KCND2: variants seen among roughly 807,000 people sequenced by gnomAD.
KCND2 encodes the protein A-type voltage-gated potassium channel KCND2.
KCND2 carries 16 observed loss-of-function variants against 54.4 expected under a neutral mutation model. The observed-to-expected ratio is 0.29, with a 90% CI of 0.20 to 0.45. The LOEUF (loss-of-function observed/expected upper bound fraction) is 0.45, where lower values mean the gene tolerates loss of function less well. Ranked by LOEUF, KCND2 falls within the 20% of genes least tolerant of loss-of-function variation. The pLI, the probability that KCND2 is intolerant of heterozygous loss-of-function variation, is 1.00. For missense variants in KCND2, 486 were observed against 824.2 expected (o/e 0.59, Z 5.02); for synonymous variants, 317 against 310.7 (o/e 1.02, Z -0.21).
In KCND2 at chr7:120,671,417, T is replaced by G. The variant is rs114851575; in HGVS notation, c.1116-61486T>G. ...CTCCTCCCCTGCTATGTAGCCTGGTTGCTAACAGGCCACAGACTGATGGTG... is the reference window on the plus strand; with the variant it reads ...CTCCTCCCCTGCTATGTAGCCTGGTGGCTAACAGGCCACAGACTGATGGTG... On this transcript the variant is annotated intron_variant, in intron 1 of 5. Transcript: ENST00000331113. Among the ~76,000 whole-genome samples the G allele has an allele frequency of 8.9e-3, 1,358 of 152,146 alleles. 18 individuals are homozygous for G. The highest frequency in any genetic ancestry group is 0.03 in the African/African-American group (1,235 of 41,532).
intron 1 of KCND2, among the ~76,000 whole-genome samples, chr7:120,280,014 T>G (rs576558500): frequency 6.6e-6 from 1 of 152,076 alleles, no homozygotes; most frequent in East Asian, 1.9e-4. Context: ...TATCTTCCCT[T>G]GTGCCAACAT....
chr7:120,375,834 A>AC (rs1458589845), intron 1 of KCND2, among the ~76,000 whole-genome samples: 1 of 151,830 alleles, frequency 6.6e-6, no homozygotes, highest in African/African-American at 2.4e-5. Flanking sequence ...GGCCAGCATG[A>AC]CCTACAAAAG....
chr7:120,698,899 A>T (rs1016044136), intron 1 of KCND2, among the ~76,000 whole-genome samples: 2 of 152,236 alleles, frequency 1.3e-5, no homozygotes, highest in African/African-American at 2.4e-5. Context: ...TGTTATATTT[A>T]AAAAGTCTTT....
At chr7:120,738,295 A>G (rs1030967522) in intron 2 of KCND2, among the ~76,000 whole-genome samples, 1 of 152,024 alleles carries the variant, frequency 6.6e-6, no homozygotes, top group African/African-American at 2.4e-5. Context: ...TTTCTTGACC[A>G]CAGAACCAGT....
intron 1 of KCND2, among the ~76,000 whole-genome samples, chr7:120,483,000 G>T (rs1387039244): frequency 1.3e-5 from 2 of 152,132 alleles, no homozygotes; most frequent in Non-Finnish European, 2.9e-5. Flanking sequence ...CCAAGGCTTG[G>T]CAAGGTGAGG....
chr7:120,522,556 C>T, intron 1 of KCND2, among the ~76,000 whole-genome samples: 1 of 152,148 alleles, frequency 6.6e-6, no homozygotes, highest in East Asian at 1.9e-4. Context: ...CTCTCTTGTG[C>T]TTTGTTATGA....
intron 1 of KCND2, among the ~76,000 whole-genome samples, chr7:120,390,671 A>AT (rs1344590639): frequency 2.0e-5 from 3 of 151,914 alleles, no homozygotes; most frequent in South Asian, 2.1e-4. Context: ...AATAATTGTG[A>AT]TTTTTTGTTT....
intron 1 of KCND2, among the ~76,000 whole-genome samples, chr7:120,421,412 T>C (rs896412030): frequency 6.6e-6 from 1 of 152,244 alleles, no homozygotes; most frequent in Non-Finnish European, 1.5e-5. Context: ...TTCACTGAAG[T>C]GACCTGCACA....
chr7:120,424,745 AT>A (rs1801676195), intron 1 of KCND2, among the ~76,000 whole-genome samples: 1 of 152,236 alleles, frequency 6.6e-6, no homozygotes, highest in African/African-American at 2.4e-5. Flanking sequence ...ACTAGAAAAA[AT>A]AATATGAAGC....
chr7:120,667,296 C>T (rs994432562), intron 1 of KCND2, among the ~76,000 whole-genome samples: 18 of 151,950 alleles, frequency 1.2e-4, no homozygotes, highest in Admixed American at 9.8e-4. Flanking sequence ...TAATAAAGAC[C>T]GTGTACCTCC....
At chr7:120,710,873 A>G (rs1197582970) in intron 1 of KCND2, among the ~76,000 whole-genome samples, 1 of 152,076 alleles carries the variant, frequency 6.6e-6, no homozygotes, top group Non-Finnish European at 1.5e-5. Context: ...GCCAAAGATA[A>G]TGTCTGTATG....
chr7:120,338,336 C>A (rs371291893), intron 1 of KCND2, among the ~76,000 whole-genome samples: 1 of 151,992 alleles, frequency 6.6e-6, no homozygotes, highest in African/African-American at 2.4e-5. Context: ...AGTTATATAG[C>A]CAATCTTTCC....
chr7:120,343,976 G>A (rs767806929), intron 1 of KCND2, among the ~76,000 whole-genome samples: 2 of 152,002 alleles, frequency 1.3e-5, no homozygotes, highest in Non-Finnish European at 2.9e-5. Context: ...AAGAACTTTC[G>A]AGCTAATGCA....
At chr7:120,745,201 G>T (rs1421527017) in intron 4 of KCND2, among the ~76,000 whole-genome samples, 1 of 152,146 alleles carries the variant, frequency 6.6e-6, no homozygotes, top group Admixed American at 6.6e-5. Flanking sequence ...TTTTACTTAT[G>T]TAACGAATAA....
chr7:120,494,893 T>G (rs76918771), intron 1 of KCND2, among the ~76,000 whole-genome samples: 4,224 of 152,306 alleles, frequency 0.028, 91 homozygotes, highest in Non-Finnish European at 0.046. Flanking sequence ...TAAACAGGCT[T>G]ATTGAAGCTT....
intron 1 of KCND2, among the ~76,000 whole-genome samples, chr7:120,637,412 A>G (rs1368106323): frequency 6.6e-6 from 1 of 152,142 alleles, no homozygotes; most frequent in Non-Finnish European, 1.5e-5. Context: ...CCAGACTTAA[A>G]ATAGATAATG....
At chr7:120,570,184 G>A (rs1048263744) in intron 1 of KCND2, among the ~76,000 whole-genome samples, 10 of 152,050 alleles carry the variant, frequency 6.6e-5, no homozygotes, top group African/African-American at 2.4e-4. Flanking sequence ...GAGCCCTAGG[G>A]ATATTTGGGG....
At chr7:120,483,043 G>T (rs1802630006) in intron 1 of KCND2, among the ~76,000 whole-genome samples, 1 of 152,118 alleles carries the variant, frequency 6.6e-6, no homozygotes, top group Non-Finnish European at 1.5e-5. Flanking sequence ...TTTCTAAAAG[G>T]TATTGTTGGG....
chr7:120,714,262 C>T (rs1269196742), intron 1 of KCND2, among the ~76,000 whole-genome samples: 1 of 151,892 alleles, frequency 6.6e-6, no homozygotes, highest in African/African-American at 2.4e-5. Context: ...ATTTTAATTT[C>T]CCAGCTAAAG....
Sources: gnomAD v4.1 joint callset for allele counts (sites outside exome capture counted in the v4.1 genomes callset) on GRCh38, gnomAD v4.1.1 for gene constraint, MANE v1.5 for transcripts, NCBI Gene and HGNC (gene_info 2026-07-23, HGNC 2026-07-21) for gene names.